The following CSMD1 variants were observed in gnomAD, a reference collection of about 807,000 sequenced individuals.
The protein encoded by CSMD1 is CUB and Sushi multiple domains 1.
In CSMD1, 213 loss-of-function variants were observed where a neutral mutation model predicts 417.5. That is an observed-to-expected ratio of 0.51 (90% CI 0.46 to 0.57). The LOEUF (loss-of-function observed/expected upper bound fraction) is 0.57. Among genes scored for constraint, CSMD1 ranks in the 20% least tolerant of loss-of-function variants. The pLI, the probability that CSMD1 is intolerant of heterozygous loss-of-function variation, is 0.00. For synonymous variants in CSMD1, 2,862 were observed against 1,736.8 expected, an observed-to-expected ratio of 1.65 and a Z score of -16.11; for missense variants, 6,923 against 4,529.7, an observed-to-expected ratio of 1.53 and a Z score of -15.17.
At chr8:3,449,387 G>C (rs936440114) in intron 12 of CSMD1, among the ~76,000 whole-genome samples, 2 of 152,040 alleles carry the variant, frequency 1.3e-5, no homozygotes, top group Admixed American at 6.6e-5. Context: ...TCATGGGTTG[G>C]CTTTGCCAAG....
intron 52 of CSMD1, among the ~76,000 whole-genome samples, chr8:3,014,308 T>C (rs889328351): frequency 6.6e-6 from 1 of 152,238 alleles, no homozygotes; most frequent in Non-Finnish European, 1.5e-5. Context: ...ATTAGTTCTA[T>C]GTGAAAATAC....
intron 4 of CSMD1, among the ~76,000 whole-genome samples, chr8:4,022,019 G>T (rs1796812370): frequency 6.6e-6 from 1 of 151,422 alleles, no homozygotes; most frequent in Admixed American, 6.6e-5. Context: ...GTCCAACACT[G>T]GAAAGTCCAG....
At chr8:4,810,465 C>G (rs967915750) in intron 1 of CSMD1, among the ~76,000 whole-genome samples, 1 of 152,114 alleles carries the variant, frequency 6.6e-6, no homozygotes, top group African/African-American at 2.4e-5. Flanking sequence ...CCACCTAGTA[C>G]CACCCGAGTC....
intron 7 of CSMD1, among the ~76,000 whole-genome samples, chr8:3,654,124 C>T (rs1797988761): frequency 6.6e-6 from 1 of 152,122 alleles, no homozygotes; most frequent in South Asian, 2.1e-4. Context: ...ACAGTGTAAC[C>T]ACCCCTCATC....
chr8:3,507,961 T>G (rs1429229542), intron 10 of CSMD1, among the ~76,000 whole-genome samples: 4 of 152,238 alleles, frequency 2.6e-5, no homozygotes, highest in Non-Finnish European at 5.9e-5. Context: ...GTAGGTTGCC[T>G]GTTCACTCTG....
At chr8:4,544,443 G>T (rs900821724) in intron 2 of CSMD1, among the ~76,000 whole-genome samples, 2 of 151,944 alleles carry the variant, frequency 1.3e-5, no homozygotes, top group African/African-American at 4.8e-5. Flanking sequence ...ATAGTTATAT[G>T]TAGTTTACTC....
chr8:2,973,651 C>T (rs1170425935), intron 56 of CSMD1, among the ~76,000 whole-genome samples: 1 of 138,116 alleles, frequency 7.2e-6, no homozygotes, highest in Non-Finnish European at 1.5e-5. Context: ...TTTAGGTAAA[C>T]AGGGAATGTG....
intron 8 of CSMD1, among the ~76,000 whole-genome samples, chr8:3,603,032 G>A (rs544049648): frequency 4.5e-4 from 68 of 152,114 alleles, no homozygotes; most frequent in Non-Finnish European, 9.1e-4. Context: ...AGCCCTATTT[G>A]GTGAATTGCT....
At chr8:3,476,326 T>TA (rs1817419164) in intron 11 of CSMD1, among the ~76,000 whole-genome samples, 1 of 152,220 alleles carries the variant, frequency 6.6e-6, no homozygotes, top group Non-Finnish European at 1.5e-5. Flanking sequence ...AGTTCTCTTA[T>TA]AAAAATATAC....
chr8:4,253,435 C>T (rs749604220), intron 3 of CSMD1, among the ~76,000 whole-genome samples: 88 of 152,164 alleles, frequency 5.8e-4, no homozygotes, highest in South Asian at 4.1e-4. Context: ...CAGAACATAG[C>T]GGAACACCAT....
At chr8:3,527,396 A>C (rs752161085) in intron 10 of CSMD1, among the ~76,000 whole-genome samples, 7 of 152,136 alleles carry the variant, frequency 4.6e-5, no homozygotes, top group Non-Finnish European at 4.4e-5. Context: ...ACATTCTTGA[A>C]ATGACAAAAT....
At chr8:4,748,431 G>A (rs997701975) in intron 1 of CSMD1, among the ~76,000 whole-genome samples, 3 of 152,174 alleles carry the variant, frequency 2.0e-5, no homozygotes, top group Admixed American at 6.5e-5. Context: ...TGCTGCTGCA[G>A]TATCATATTT....
intron 7 of CSMD1, among the ~76,000 whole-genome samples, chr8:3,684,196 A>G (rs1055446966): frequency 2.6e-4 from 13 of 49,068 alleles, no homozygotes; most frequent in African/African-American, 1.9e-3. Context: ...TAATATATAT[A>G]ACATGTAATT....
At chr8:4,196,084 G>A (rs923678636) in intron 3 of CSMD1, among the ~76,000 whole-genome samples, 69 of 152,066 alleles carry the variant, frequency 4.5e-4, no homozygotes, top group Non-Finnish European at 8.1e-4. Flanking sequence ...GGTGACGGGC[G>A]CCTGTAGTCC....
chr8:3,360,953 A>G (rs1809123296), intron 20 of CSMD1, among the ~76,000 whole-genome samples: 1 of 152,080 alleles, frequency 6.6e-6, no homozygotes, highest in Admixed American at 6.6e-5. Context: ...CTCTGTACCT[A>G]AACACTTCCT....
chr8:4,251,064 G>A (rs1037282157), intron 3 of CSMD1, among the ~76,000 whole-genome samples: 2 of 152,214 alleles, frequency 1.3e-5, no homozygotes, highest in African/African-American at 4.8e-5. Context: ...ATCTGCAGGT[G>A]CTTGTGAAAT....
At chr8:4,816,992 C>G (rs1799244715) in intron 1 of CSMD1, among the ~76,000 whole-genome samples, 1 of 152,136 alleles carries the variant, frequency 6.6e-6, no homozygotes, top group Non-Finnish European at 1.5e-5. Context: ...GCACCAAACA[C>G]AGATAAGAGC....
intron 41 of CSMD1, among the ~76,000 whole-genome samples, 182 bp downstream of exon 41, chr8:3,142,283 G>A (rs1585460616): frequency 6.6e-6 from 1 of 152,158 alleles, no homozygotes; most frequent in East Asian, 1.9e-4. Flanking sequence ...TTCCGTCTGT[G>A]TCCTTACCTC....
At chr8:4,901,883 A>C (rs565169752) in intron 1 of CSMD1, among the ~76,000 whole-genome samples, 1 of 152,120 alleles carries the variant, frequency 6.6e-6, no homozygotes, top group Non-Finnish European at 1.5e-5. Flanking sequence ...CCCACCAGCC[A>C]AAAGGACACT....
Sources: gnomAD v4.1 joint callset for allele counts (sites outside exome capture counted in the v4.1 genomes callset) on GRCh38, gnomAD v4.1.1 for gene constraint, MANE v1.5 for transcripts, NCBI Gene and HGNC (gene_info 2026-07-23, HGNC 2026-07-21) for gene names.